The following DEPDC1B variants were observed in gnomAD, a reference collection of about 807,000 sequenced individuals.
DEPDC1B encodes the protein DEP domain-containing protein 1B.
Under a neutral mutation model 66.5 loss-of-function variants are expected in DEPDC1B, and 51 were observed. The observed-to-expected ratio is 0.77, with a 90% CI of 0.61 to 0.97. The LOEUF (loss-of-function observed/expected upper bound fraction) is 0.97, where lower values mean the gene tolerates loss of function less well. Among genes scored for constraint, DEPDC1B ranks in the 50% least tolerant of loss-of-function variants. The pLI is 0.00. For synonymous variants in DEPDC1B, 226 were observed against 223.6 expected, an observed-to-expected ratio of 1.01 and a Z score of -0.10; for missense variants, 552 against 637.1, an observed-to-expected ratio of 0.87 and a Z score of 1.44.
intron 2 of DEPDC1B, among the ~76,000 whole-genome samples, chr5:60,667,183 G>C (rs926825763): frequency 6.6e-6 from 1 of 151,882 alleles, no homozygotes; most frequent in Non-Finnish European, 1.5e-5. Context: ...AGTAATGAAG[G>C]GACTTGTTTT....
intron 7 of DEPDC1B, among the ~76,000 whole-genome samples, chr5:60,620,925 T>C (rs991864966): frequency 6.6e-6 from 1 of 152,164 alleles, no homozygotes; most frequent in African/African-American, 2.4e-5. Context: ...ATTAAGAAAA[T>C]GTGGCACTAT....
At chr5:60,624,700 C>T (rs1428908146) in intron 7 of DEPDC1B, among the ~76,000 whole-genome samples, 1 of 152,134 alleles carries the variant, frequency 6.6e-6, no homozygotes, top group East Asian at 1.9e-4. Flanking sequence ...TGCTTAATTA[C>T]ATGTCACCCT....
intron 7 of DEPDC1B, among the ~76,000 whole-genome samples, chr5:60,616,393 A>G (rs989092422): frequency 3.9e-5 from 6 of 152,082 alleles, no homozygotes; most frequent in African/African-American, 1.4e-4. Context: ...AAAAACCTTG[A>G]AAAAAAATCA....
intron 9 of DEPDC1B, among the ~76,000 whole-genome samples, chr5:60,600,344 A>G (rs1318362586): frequency 6.6e-6 from 1 of 152,226 alleles, no homozygotes; most frequent in African/African-American, 2.4e-5. Context: ...ATTTAATTTC[A>G]GAGCCTGGAG....
At chr5:60,609,676 T>C (rs1281024444) in intron 7 of DEPDC1B, among the ~76,000 whole-genome samples, 1 of 152,198 alleles carries the variant, frequency 6.6e-6, no homozygotes, top group Non-Finnish European at 1.5e-5. Flanking sequence ...GAACCACAGT[T>C]GAGCTACATA....
intron 7 of DEPDC1B, among the ~76,000 whole-genome samples, chr5:60,630,250 T>C (rs1669463219): frequency 1.3e-5 from 2 of 152,258 alleles, no homozygotes; most frequent in Admixed American, 1.3e-4. Flanking sequence ...ATGTGTTGAC[T>C]ATCCATTTGT....
At chr5:60,667,093 T>C (rs1290202891) in intron 2 of DEPDC1B, among the ~76,000 whole-genome samples, 1 of 152,136 alleles carries the variant, frequency 6.6e-6, no homozygotes, top group Non-Finnish European at 1.5e-5. Flanking sequence ...GAATAAAAAA[T>C]CATGGGCAAA....
At chr5:60,637,691 G>A (rs868127785) in intron 7 of DEPDC1B, among the ~76,000 whole-genome samples, 2 of 152,088 alleles carry the variant, frequency 1.3e-5, no homozygotes, top group Non-Finnish European at 2.9e-5. Context: ...TACCAAGAAG[G>A]TCCAGTAGTC....
intron 2 of DEPDC1B, among the ~76,000 whole-genome samples, chr5:60,672,015 C>T (rs971094148): frequency 1.3e-5 from 2 of 152,204 alleles, no homozygotes; most frequent in Non-Finnish European, 2.9e-5. Context: ...ATTGACACAC[C>T]GTGTATGGCT....
At chr5:60,676,941 C>T (rs1439999377) in intron 2 of DEPDC1B, among the ~76,000 whole-genome samples, 1 of 152,124 alleles carries the variant, frequency 6.6e-6, no homozygotes, top group African/African-American at 2.4e-5. Flanking sequence ...AAAGACTTTC[C>T]GGTTCATAAT....
At chr5:60,686,252 C>T (rs1288389509) in intron 2 of DEPDC1B, among the ~76,000 whole-genome samples, 1 of 152,136 alleles carries the variant, frequency 6.6e-6, no homozygotes, top group Non-Finnish European at 1.5e-5. Context: ...TCTTTTAATC[C>T]GTGTAGATAA....
chr5:60,659,742 G>A (rs1753664437), intron 2 of DEPDC1B, among the ~76,000 whole-genome samples: 1 of 152,112 alleles, frequency 6.6e-6, no homozygotes, highest in Admixed American at 6.5e-5. Flanking sequence ...CCTTACCTCT[G>A]AATCTACTTC....
At chr5:60,621,462 C>G (rs867503460) in intron 7 of DEPDC1B, among the ~76,000 whole-genome samples, 2 of 151,938 alleles carry the variant, frequency 1.3e-5, no homozygotes, top group Non-Finnish European at 1.5e-5. Flanking sequence ...CCAAACACCT[C>G]ATATTCTCAC....
At chr5:60,616,549 A>C (rs1561359640) in intron 7 of DEPDC1B, among the ~76,000 whole-genome samples, 1 of 152,226 alleles carries the variant, frequency 6.6e-6, no homozygotes, top group Non-Finnish European at 1.5e-5. Context: ...TCAGTGATGG[A>C]AGATCAAATG....
intron 2 of DEPDC1B, among the ~76,000 whole-genome samples, chr5:60,652,774 G>T (rs1053738332): frequency 5.4e-5 from 8 of 148,588 alleles, no homozygotes; most frequent in African/African-American, 2.0e-4. Flanking sequence ...CATTCCCCAA[G>T]TCCCTAAAGT....
intron 7 of DEPDC1B, among the ~76,000 whole-genome samples, chr5:60,613,505 A>C (rs1183462018): frequency 6.6e-6 from 1 of 152,238 alleles, no homozygotes; most frequent in Non-Finnish European, 1.5e-5. Flanking sequence ...AGTCTGGAGA[A>C]GAAGATGAAC....
chr5:60,600,586 AACAGGTGCTTGGCAATTCTAATATGT>A (rs1752182339), intron 9 of DEPDC1B, among the ~76,000 whole-genome samples: 1 of 152,206 alleles, frequency 6.6e-6, no homozygotes, highest in Non-Finnish European at 1.5e-5. Flanking sequence ...GGCTGAATGG[AACAGGTGCTTGGCAATTCTAATATGT>A]ACTTGCAAGA....
At chr5:60,646,793 A>G (rs527892462) in intron 3 of DEPDC1B, among the ~76,000 whole-genome samples, 4 of 151,990 alleles carry the variant, frequency 2.6e-5, no homozygotes, top group Non-Finnish European at 5.9e-5. Flanking sequence ...CCTGAGTTCT[A>G]CCTCCTGTCA....
intron 6 of DEPDC1B, 73 bp from the exon 7 acceptor site, chr5:60,638,963 T>G: frequency 6.5e-7 from 1 of 1,527,408 alleles, no homozygotes; most frequent in Non-Finnish European, 8.9e-7. Context: ...TCTGTGAATA[T>G]GTGTGGCGTG....
Sources: allele counts gnomAD v4.1 joint callset (sites outside exome capture counted in the v4.1 genomes callset), GRCh38; gene constraint gnomAD v4.1.1; transcripts MANE v1.5; gene names NCBI Gene and HGNC (gene_info 2026-07-23, HGNC 2026-07-21).